Variants in ASIC2 observed in about 807,000 individuals in gnomAD.
ASIC2 encodes the protein acid-sensing ion channel 2.
In ASIC2, 25 loss-of-function variants were observed where a neutral mutation model predicts 57.3. The observed-to-expected ratio is 0.44, with a 90% CI of 0.32 to 0.61. ASIC2 has a LOEUF of 0.61. ASIC2 is among the 20% of genes least tolerant of loss of function. The probability of loss-of-function intolerance (pLI) is 0.06; values close to 1 mark genes in which losing one functional copy is unlikely to be tolerated. For missense variants in ASIC2, 641 were observed against 738.1 expected (o/e 0.87, Z 1.52); for synonymous variants, 319 against 307.5 (o/e 1.04, Z -0.39).
intron 1 of ASIC2, among the ~76,000 whole-genome samples, chr17:33,250,250 T>C (rs1411422303): frequency 1.3e-5 from 2 of 152,202 alleles, no homozygotes; most frequent in African/African-American, 4.8e-5. Context: ...ACTATTTGAG[T>C]TAGTCCTGAC....
At chr17:34,097,653 C>T (rs8065217) in intron 1 of ASIC2, among the ~76,000 whole-genome samples, 33,517 of 152,036 alleles carry the variant, frequency 0.22, 5,366 homozygotes, top group African/African-American at 0.45. Flanking sequence ...TGTTATATCA[C>T]TAGTTTTTTT....
rs182949204 is a variant in ASIC2, at chr17:33,979,182, G to T, written c.555+176796C>A. The stretch of plus-strand genomic sequence containing the variant: ...CCTCTAAAGCCTGGACCCAGGCCAT[G>T]ACACCAATCCATCAGAGCCGTGACC... On this transcript the variant is annotated intron_variant, in intron 1 of 9. Coordinates refer to the ASIC2 transcript ENST00000359872. 7.4e-4 allele frequency among the ~76,000 whole-genome samples: 112 copies of T among 152,274 alleles called. 1 individual carries two copies. Among genetic ancestry groups the T allele is most frequent in the Non-Finnish European group, 1.1e-3 (72 of 68,020 alleles).
chr17:33,932,248 A>G (rs1373201974), intron 1 of ASIC2, among the ~76,000 whole-genome samples: 1 of 152,162 alleles, frequency 6.6e-6, no homozygotes, highest in Non-Finnish European at 1.5e-5. Context: ...TGTGGCTTTG[A>G]GCTCCTGAAA....
intron 3 of ASIC2, among the ~76,000 whole-genome samples, chr17:33,066,054 G>A (rs2092042086): frequency 6.6e-6 from 1 of 152,038 alleles, no homozygotes; most frequent in African/African-American, 2.4e-5. Context: ...TCCCACCATG[G>A]CGGGACACCT....
chr17:33,523,829 C>T (rs62055346), intron 1 of ASIC2, among the ~76,000 whole-genome samples: 4,297 of 152,304 alleles, frequency 0.028, 96 homozygotes, highest in Non-Finnish European at 0.038. Flanking sequence ...GCTCACCCTT[C>T]ACTGGGCTGC....
chr17:33,955,765 G>A (rs978299816), intron 1 of ASIC2, among the ~76,000 whole-genome samples: 8 of 151,946 alleles, frequency 5.3e-5, no homozygotes, highest in Non-Finnish European at 1.0e-4. Context: ...CTCCTCCAAC[G>A]TCCTGCATTT....
chr17:33,417,520 T>C (rs1910890021), intron 1 of ASIC2, among the ~76,000 whole-genome samples: 1 of 152,204 alleles, frequency 6.6e-6, no homozygotes, highest in South Asian at 2.1e-4. Flanking sequence ...ACAGTGATCT[T>C]GTCCTCTTTG....
intron 3 of ASIC2, among the ~76,000 whole-genome samples, chr17:33,070,854 T>A (rs916386686): frequency 6.6e-6 from 1 of 150,848 alleles, no homozygotes; most frequent in African/African-American, 2.4e-5. Context: ...TGCTTAATTT[T>A]TGGAGGCATT....
intron 3 of ASIC2, among the ~76,000 whole-genome samples, chr17:33,073,099 G>C (rs2092075783): frequency 6.6e-6 from 1 of 152,252 alleles, no homozygotes; most frequent in African/African-American, 2.4e-5. Context: ...GAATGGGCAA[G>C]CTGGTAGTTG....
intron 1 of ASIC2, among the ~76,000 whole-genome samples, chr17:33,416,899 T>C (rs1567854086): frequency 6.6e-6 from 1 of 152,180 alleles, no homozygotes; most frequent in Non-Finnish European, 1.5e-5. Context: ...AAATATTTAT[T>C]TGGGATCTCA....
At chr17:33,154,050 G>C (rs1324244445) in intron 1 of ASIC2, among the ~76,000 whole-genome samples, 1 of 152,070 alleles carries the variant, frequency 6.6e-6, no homozygotes, top group South Asian at 2.1e-4. Context: ...TCTACCTCAG[G>C]GTCTGCTTCC....
At chr17:33,183,896 T>G (rs561625525) in intron 1 of ASIC2, among the ~76,000 whole-genome samples, 30 of 152,320 alleles carry the variant, frequency 2.0e-4, no homozygotes, top group Non-Finnish European at 3.7e-4. Context: ...GTCCTGGCTC[T>G]GTTACCTCCT....
chr17:33,507,463 G>A (rs1302524303), intron 1 of ASIC2, among the ~76,000 whole-genome samples: 1 of 152,200 alleles, frequency 6.6e-6, no homozygotes, highest in East Asian at 1.9e-4. Context: ...TCTATTTGGA[G>A]TTTGCATCCT....
In ASIC2 at chr17:33,305,834, A is replaced by G. The variant is rs151108670; in HGVS notation, c.556-193767T>C. On this transcript the variant is annotated intron_variant, in intron 1 of 9. Transcript: ENST00000359872. ...GACACATTGGCTATTCAGAAAAATG[A>G]CACTTCTTTGTAAGAGAGTCTGAAC... is the stretch of plus-strand genomic sequence containing the variant. 1.2e-3 allele frequency among the ~76,000 whole-genome samples: 176 copies of G among 152,340 alleles called. No homozygotes were observed. The Middle Eastern group carries it at 0.014, about 12-fold the overall frequency.
intron 1 of ASIC2, among the ~76,000 whole-genome samples, chr17:33,653,226 A>G (rs1018220670): frequency 2.9e-4 from 44 of 152,144 alleles, no homozygotes; most frequent in African/African-American, 9.4e-4. Context: ...CCTGTTCTCT[A>G]TTGGCAAAGG....
chr17:34,148,064 GAA>G (rs1030413565), intron 1 of ASIC2, among the ~76,000 whole-genome samples: 5 of 152,106 alleles, frequency 3.3e-5, no homozygotes, highest in Admixed American at 6.5e-5. Flanking sequence ...CTATAGAGAG[GAA>G]AAGAGAACTA....
intron 1 of ASIC2, among the ~76,000 whole-genome samples, chr17:33,852,012 T>C (rs1417671616): frequency 6.6e-6 from 1 of 152,228 alleles, no homozygotes; most frequent in Non-Finnish European, 1.5e-5. Context: ...AAAGGGACCA[T>C]TCCGTTCAGG....
chr17:33,552,267 A>G (rs1915774937), intron 1 of ASIC2, among the ~76,000 whole-genome samples: 1 of 152,178 alleles, frequency 6.6e-6, no homozygotes, highest in South Asian at 2.1e-4. Context: ...GAGCGTCAGG[A>G]AGATTTGCCT....
chr17:34,143,279 A>G (rs1465322990), intron 1 of ASIC2, among the ~76,000 whole-genome samples: 1 of 152,210 alleles, frequency 6.6e-6, no homozygotes, highest in Non-Finnish European at 1.5e-5. Flanking sequence ...AGCCTAACCT[A>G]TGTTCAACTG....
Sources: gnomAD v4.1 joint callset for allele counts (sites outside exome capture counted in the v4.1 genomes callset) on GRCh38, gnomAD v4.1.1 for gene constraint, MANE v1.5 for transcripts, NCBI Gene and HGNC (gene_info 2026-07-23, HGNC 2026-07-21) for gene names.